The following MYDGF variants were observed in gnomAD, a reference collection of about 807,000 sequenced individuals.
The protein encoded by MYDGF is myeloid derived growth factor, also known as myeloid-derived growth factor.
Under a neutral mutation model 24.2 loss-of-function variants are expected in MYDGF, and 29 were observed. That is an observed-to-expected ratio of 1.20 (90% CI 0.89 to 1.63). MYDGF has a LOEUF of 1.63. Among genes scored for constraint, MYDGF ranks in the 40% most tolerant of loss-of-function variants. The pLI, the probability that MYDGF is intolerant of heterozygous loss-of-function variation, is 0.00. For missense variants in MYDGF, 245 were observed against 234.8 expected (o/e 1.04, Z -0.29); for synonymous variants, 105 against 102.5 (o/e 1.02, Z -0.15).
Position 4,660,654 on chromosome 19 carries a change from C to T in MYDGF, c.369+15G>A. On this transcript the variant is annotated intron_variant, in intron 4 of 5. Transcript: ENST00000262947. ...GAAGCCACACCCGGAGCCTGCCCCA[C>T]TCCAAGATACTCACGTAGGCCATGG... The T allele has an allele frequency of 6.2e-7, 1 of 1,612,580 alleles. No homozygotes were observed. Among genetic ancestry groups the T allele is most frequent in the Non-Finnish European group, 8.5e-7 (1 of 1,178,668 alleles).
At chr19:4,666,053 C>T (rs1281418783) in intron 2 of MYDGF, among the ~76,000 whole-genome samples, 1 of 151,516 alleles carries the variant, frequency 6.6e-6, no homozygotes, top group Non-Finnish European at 1.5e-5. Context: ...CATGGTGGCT[C>T]ATGCCTGTAA....
chr19:4,664,026 T>C (rs66939102), intron 3 of MYDGF, among the ~76,000 whole-genome samples: 35,943 of 151,416 alleles, frequency 0.24, 7,642 homozygotes, highest in African/African-American at 0.58. Flanking sequence ...GGCCTCAGCA[T>C]GGATGAGCCT....
In MYDGF at chr19:4,657,764, A is replaced by G; in HGVS notation, c.*241T>C. 2.6e-6 allele frequency: 1 copy of G among 391,298 alleles called. No individual in the cohort carries two copies. The highest frequency in any genetic ancestry group is 4.7e-6 in the Non-Finnish European group (1 of 212,500). 24.2% of individuals were successfully genotyped at this position (391,298 alleles called of 1,614,324 possible). On this transcript the variant is annotated 3_prime_UTR_variant, in exon 6 of 6. Transcript: ENST00000262947. ...CCGGATCTGCGATCCTGAGTCCAGA[A>G]GAGCTCAGCAGGAAGTGGGAACTGA...
At position 4,668,662 on chromosome 19, in the gene MYDGF, A is replaced by C. The variant is rs758445978; in HGVS notation, c.175-17T>G. On this transcript the variant is annotated splice_polypyrimidine_tract_variant and intron_variant, in intron 1 of 5. Coordinates refer to ENST00000262947, the MANE Select transcript of MYDGF (RefSeq NM_019107.4). Reference sequence around the variant, plus strand: ...ATATTTGTCCTAGAGAATGGAAGGAAAAAAAAGGTTTGGTAGAAGGAAATT... The same window carrying C: ...ATATTTGTCCTAGAGAATGGAAGGACAAAAAAGGTTTGGTAGAAGGAAATT... The C allele has an allele frequency of 8.7e-6, 14 of 1,609,766 alleles. No homozygotes were observed. The East Asian group carries it at 1.1e-4, about 13-fold the overall frequency.
chr19:4,668,742 C>T (rs2088539834), intron 1 of MYDGF, 97 bp from the exon 2 acceptor site: 3 of 1,017,918 alleles, frequency 2.9e-6, no homozygotes, highest in Non-Finnish European at 4.5e-6. Flanking sequence ...AGTGCAGGGG[C>T]ACAATGACAG....
At chr19:4,663,865 C>T (rs974410971) in intron 3 of MYDGF, among the ~76,000 whole-genome samples, 1 of 147,494 alleles carries the variant, frequency 6.8e-6, no homozygotes, top group Non-Finnish European at 1.5e-5. Flanking sequence ...CTGCGCCCCA[C>T]CCCCAACCCC....
At chr19:4,665,960 C>T (rs1376006895) in intron 2 of MYDGF, among the ~76,000 whole-genome samples, 1 of 151,600 alleles carries the variant, frequency 6.6e-6, no homozygotes, top group Non-Finnish European at 1.5e-5. Flanking sequence ...GCTAACACAC[C>T]ATATGGGTGT....
Position 4,658,015 on chromosome 19 carries a change from G to A in MYDGF, c.512C>T (p.Thr171Ile), listed in dbSNP as rs2088436143. Reference sequence around the variant, plus strand: ...CAACAGGGCTGCTGGTCACAGCTCAGTGCGCGATGCCTTGGCCACAATCAC... The same window carrying A: ...CAACAGGGCTGCTGGTCACAGCTCAATGCGCGATGCCTTGGCCACAATCAC... ...KLVIVAKASR[T>I]EL The change falls in exon 6 of 6, where the codon ACT becomes ATT. Residue 171 changes from threonine to isoleucine, a missense_variant. By Grantham distance (89) the Thr-to-Ile change is moderately conservative. Coordinates refer to ENST00000262947, the MANE Select transcript of MYDGF (RefSeq NM_019107.4). 1 of 1,610,132 alleles carries A rather than the reference G, an allele frequency of 6.2e-7. No homozygotes were observed. Among genetic ancestry groups the A allele is most frequent in the Non-Finnish European group, 8.5e-7 (1 of 1,178,980 alleles).
chr19:4,665,984 A>C (rs748937031), intron 2 of MYDGF, among the ~76,000 whole-genome samples: 1 of 152,036 alleles, frequency 6.6e-6, no homozygotes, highest in Non-Finnish European at 1.5e-5. Context: ...AACCAAGACT[A>C]TTCCAGGTTG....
chr19:4,660,632 G>A (rs761942567), intron 4 of MYDGF, 37 bp downstream of exon 4: 17 of 1,582,000 alleles, frequency 1.1e-5, no homozygotes, highest in Non-Finnish European at 1.5e-5. Flanking sequence ...GTGCACAGAA[G>A]CCACACCCGG....
At chr19:4,660,826 G>A (rs2088464872) in intron 3 of MYDGF, 76 bp from the exon 4 acceptor site, 14 of 1,284,318 alleles carry the variant, frequency 1.1e-5, no homozygotes, top group Middle Eastern at 2.1e-4. Flanking sequence ...AAGGAGCCCC[G>A]CCAGGGACTC....
chr19:4,658,811 AT>A (rs1013131803), intron 5 of MYDGF, among the ~76,000 whole-genome samples: 23 of 151,662 alleles, frequency 1.5e-4, no homozygotes, highest in Non-Finnish European at 2.5e-4. Flanking sequence ...AAAATTTATT[AT>A]TTTTTTTGAG....
intron 5 of MYDGF, among the ~76,000 whole-genome samples, chr19:4,658,345 C>T (rs1262869786): frequency 6.6e-6 from 1 of 152,132 alleles, no homozygotes; most frequent in African/African-American, 2.4e-5. Context: ...TGGGAAGAAC[C>T]CTGGTCATTT....
At position 4,658,091 on chromosome 19, in the gene MYDGF, G is replaced by A; in HGVS notation, c.443-7C>T. On this transcript the variant is annotated splice_polypyrimidine_tract_variant and splice_region_variant and intron_variant, in intron 5 of 5. Coordinates refer to ENST00000262947, the MANE Select transcript of MYDGF (RefSeq NM_019107.4). ...GCCCCGGGCCTGTGAGCCACTGCAA[G>A]AAAGAAACACATGGTTGGGCCCTCA... 1 of 1,607,310 alleles carries A rather than the reference G, an allele frequency of 6.2e-7. No homozygotes were observed. Among genetic ancestry groups the A allele is most frequent in the Non-Finnish European group, 8.5e-7 (1 of 1,177,318 alleles).
At chr19:4,670,046 C>T (rs549593176) in intron 1 of MYDGF, 115 bp downstream of exon 1, 6 of 1,196,038 alleles carry the variant, frequency 5.0e-6, no homozygotes, top group Admixed American at 4.1e-5. Flanking sequence ...CGCACCCCTT[C>T]TTCAGTACCC....
chr19:4,658,474 G>A (rs1373925269), intron 5 of MYDGF, among the ~76,000 whole-genome samples: 1 of 152,154 alleles, frequency 6.6e-6, no homozygotes, highest in Admixed American at 6.6e-5. Flanking sequence ...CTCAGTGGGT[G>A]AACCTGTCTG....
intron 4 of MYDGF, 22 bp from the exon 5 acceptor site, chr19:4,660,025 CTT>C (rs2088457966): frequency 6.2e-7 from 1 of 1,605,914 alleles, no homozygotes; most frequent in African/African-American, 1.3e-5. Context: ...TGAGTGGAAA[CTT>C]TACCAGGGCC....
At chr19:4,660,844 G>T in intron 3 of MYDGF, 94 bp from the exon 4 acceptor site, 1 of 991,302 alleles carries the variant, frequency 1.0e-6, no homozygotes, top group Non-Finnish European at 1.5e-6. Context: ...CTCGGGCTGG[G>T]GTCAGCAGGT....
At chr19:4,661,777 A>G (rs1232221812) in intron 3 of MYDGF, among the ~76,000 whole-genome samples, 1 of 152,030 alleles carries the variant, frequency 6.6e-6, no homozygotes, top group Non-Finnish European at 1.5e-5. Context: ...ACTGTCTGAG[A>G]TGAGGAGGCC....
Sources: allele counts gnomAD v4.1 joint callset (sites outside exome capture counted in the v4.1 genomes callset), GRCh38; gene constraint gnomAD v4.1.1; transcripts MANE v1.5; gene names NCBI Gene and HGNC (gene_info 2026-07-23, HGNC 2026-07-21).